Variants in EPHA6 observed in about 807,000 individuals in gnomAD.
The protein encoded by EPHA6 is ephrin type-A receptor 6.
EPHA6 carries 50 observed loss-of-function variants against 112.0 expected under a neutral mutation model. The ratio of observed to expected loss-of-function variants is 0.45; its 90% CI spans 0.36 to 0.56. EPHA6 has a LOEUF of 0.56. Ranked by LOEUF, EPHA6 falls within the 20% of genes least tolerant of loss-of-function variation. EPHA6 has a pLI of 0.00. For missense variants in EPHA6, 1,280 were observed against 1,417.4 expected (o/e 0.90, Z 1.56); for synonymous variants, 529 against 490.7 (o/e 1.08, Z -1.03).
intron 5 of EPHA6, among the ~76,000 whole-genome samples, chr3:97,280,500 T>G (rs1204536907): frequency 6.6e-6 from 1 of 152,184 alleles, no homozygotes; most frequent in Non-Finnish European, 1.5e-5. Flanking sequence ...CTCTGCCATC[T>G]GAGTAATCTT....
chr3:97,231,267 T>C (rs1576731847), intron 4 of EPHA6, among the ~76,000 whole-genome samples: 2 of 152,154 alleles, frequency 1.3e-5, no homozygotes, highest in Non-Finnish European at 2.9e-5. Context: ...CCAGGAAGCT[T>C]TCTTTCTCAA....
chr3:97,011,973 C>T (rs548845963), intron 3 of EPHA6, among the ~76,000 whole-genome samples: 6 of 152,152 alleles, frequency 3.9e-5, no homozygotes, highest in East Asian at 1.9e-4. Flanking sequence ...CATGTTGCAG[C>T]GAAGAACATT....
chr3:97,327,927 A>G (rs1316477331), intron 5 of EPHA6, among the ~76,000 whole-genome samples: 4 of 126,688 alleles, frequency 3.2e-5, no homozygotes, highest in African/African-American at 1.3e-4. Flanking sequence ...ATATGTGCAT[A>G]TATATGTATA....
At chr3:97,601,557 G>T (rs2093643447) in intron 12 of EPHA6, among the ~76,000 whole-genome samples, 1 of 152,138 alleles carries the variant, frequency 6.6e-6, no homozygotes, top group Non-Finnish European at 1.5e-5. Context: ...AGTGGAAGCT[G>T]CCCTATGACA....
chr3:96,817,765 CA>C (rs375647141), intron 1 of EPHA6, among the ~76,000 whole-genome samples: 223 of 151,986 alleles, frequency 1.5e-3, no homozygotes, highest in Non-Finnish European at 2.6e-3. Flanking sequence ...ACCCCCACCC[CA>C]ATCCCCATTT....
At chr3:97,077,325 GT>G (rs57797967) in intron 3 of EPHA6, among the ~76,000 whole-genome samples, 152,206 of 152,206 alleles carry the variant, frequency 1, 76,103 homozygotes, top group Non-Finnish European at 1. Flanking sequence ...AACTGCAGAT[GT>G]TTGTGGAAAT....
intron 3 of EPHA6, among the ~76,000 whole-genome samples, chr3:97,190,969 A>G (rs948773661): frequency 2.6e-5 from 4 of 152,106 alleles, no homozygotes; most frequent in Admixed American, 1.3e-4. Flanking sequence ...TATACAGTGT[A>G]TCTCTTGAAT....
intron 6 of EPHA6, among the ~76,000 whole-genome samples, chr3:97,423,966 C>A (rs115799951): frequency 6.6e-6 from 1 of 152,212 alleles, no homozygotes; most frequent in South Asian, 2.1e-4. Flanking sequence ...AGATTGAAAC[C>A]GGCCCTCTTC....
intron 11 of EPHA6, among the ~76,000 whole-genome samples, chr3:97,551,243 G>A (rs2093024880): frequency 6.6e-6 from 1 of 151,966 alleles, no homozygotes. Context: ...GTATTTTATG[G>A]CATTCAATCC....
At chr3:97,334,044 G>T (rs1262351027) in intron 5 of EPHA6, among the ~76,000 whole-genome samples, 4 of 151,992 alleles carry the variant, frequency 2.6e-5, no homozygotes, top group Non-Finnish European at 4.4e-5. Context: ...TATTTTTTCT[G>T]TGTCAATTGA....
At chr3:97,222,337 G>A (rs1184477861) in intron 3 of EPHA6, among the ~76,000 whole-genome samples, 1 of 152,082 alleles carries the variant, frequency 6.6e-6, no homozygotes, top group African/African-American at 2.4e-5. Flanking sequence ...TTGAAATAGA[G>A]AAATATTGAA....
rs1302509937 is a variant in EPHA6 at position 97,475,392 on chromosome 3, AGCCACCGCC to A, written c.1938_1946del (p.Thr647_Ala649del). On this transcript the variant is annotated inframe_deletion, in exon 8 of 18. Transcript: ENST00000389672. ...CAGAACAAGGACAGATTCTCGTGATAGCCACCGCCGCTGTTGGCGGATTCACTCTCCTCG... is the reference window on the plus strand; with the variant it reads ...CAGAACAAGGACAGATTCTCGTGATAGCTGTTGGCGGATTCACTCTCCTCG... 1 of 1,612,172 alleles carries A rather than the reference AGCCACCGCC, an allele frequency of 6.2e-7. No homozygotes were observed. Among genetic ancestry groups the A allele is most frequent in the South Asian group, 1.1e-5 (1 of 90,816 alleles).
At chr3:97,319,547 G>T (rs2082002580) in intron 5 of EPHA6, among the ~76,000 whole-genome samples, 1 of 151,202 alleles carries the variant, frequency 6.6e-6, no homozygotes, top group South Asian at 2.1e-4. Flanking sequence ...GCCCACATCT[G>T]TAATCCCAAC....
intron 11 of EPHA6, among the ~76,000 whole-genome samples, chr3:97,579,712 A>T (rs953362773): frequency 1.2e-4 from 18 of 152,180 alleles, no homozygotes; most frequent in Admixed American, 3.9e-4. Flanking sequence ...TTTTGTTTGG[A>T]TTTTTTGTAA....
At chr3:97,451,778 T>G (rs558671566) in intron 7 of EPHA6, among the ~76,000 whole-genome samples, 1 of 150,696 alleles carries the variant, frequency 6.6e-6, no homozygotes, top group East Asian at 1.9e-4. Flanking sequence ...CCCTCCTGGC[T>G]CTTCTTTAAA....
At chr3:97,031,048 A>G (rs192809029) in intron 3 of EPHA6, among the ~76,000 whole-genome samples, 78 of 152,100 alleles carry the variant, frequency 5.1e-4, no homozygotes, top group African/African-American at 1.8e-3. Context: ...AAATTTGAAG[A>G]AAAGTTAAGA....
At chr3:97,012,436 A>C (rs896527308) in intron 3 of EPHA6, among the ~76,000 whole-genome samples, 2 of 150,868 alleles carry the variant, frequency 1.3e-5, no homozygotes, top group East Asian at 3.9e-4. Context: ...TGATCCTCCC[A>C]TCTCAGCCTC....
At chr3:97,636,773 TAA>T (rs578147071) in intron 13 of EPHA6, among the ~76,000 whole-genome samples, 17 of 152,268 alleles carry the variant, frequency 1.1e-4, no homozygotes, top group African/African-American at 4.1e-4. Flanking sequence ...TTAAAATTTA[TAA>T]GTTTCTCTTA....
At chr3:96,929,604 G>A (rs2040213032) in intron 2 of EPHA6, among the ~76,000 whole-genome samples, 1 of 152,192 alleles carries the variant, frequency 6.6e-6, no homozygotes, top group African/African-American at 2.4e-5. Flanking sequence ...CCGTTCGTCT[G>A]TTGGGCTTCC....
Sources: allele counts gnomAD v4.1 joint callset (sites outside exome capture counted in the v4.1 genomes callset), GRCh38; gene constraint gnomAD v4.1.1; transcripts MANE v1.5; gene names NCBI Gene and HGNC (gene_info 2026-07-23, HGNC 2026-07-21).